Variants in PDE4B observed in about 807,000 individuals in gnomAD.
PDE4B encodes the protein 3',5'-cyclic-AMP phosphodiesterase 4B.
In PDE4B, 20 loss-of-function variants were observed where a neutral mutation model predicts 82.2. That is an observed-to-expected ratio of 0.24 (90% CI 0.17 to 0.35). PDE4B has a LOEUF of 0.35. Among genes scored for constraint, PDE4B ranks in the 10% least tolerant of loss-of-function variants. PDE4B has a pLI of 1.00. For synonymous variants in PDE4B, 320 were observed against 318.9 expected (o/e 1.00, Z -0.04); for missense variants, 655 against 907.2 (o/e 0.72, Z 3.57).
intron 3 of PDE4B, among the ~76,000 whole-genome samples, chr1:66,096,871 T>C (rs1193566382): frequency 6.6e-6 from 1 of 151,798 alleles, no homozygotes; most frequent in African/African-American, 2.4e-5. Context: ...CATCAAATAG[T>C]GTGTAGTTTT....
intron 7 of PDE4B, among the ~76,000 whole-genome samples, chr1:66,277,620 T>A (rs910678736): frequency 6.6e-5 from 10 of 152,132 alleles, no homozygotes; most frequent in Non-Finnish European, 1.2e-4. Context: ...GGTCTTCAAC[T>A]CCTAACCTCG....
At chr1:66,245,442 G>C (rs1435999990) in intron 3 of PDE4B, among the ~76,000 whole-genome samples, 1 of 152,150 alleles carries the variant, frequency 6.6e-6, no homozygotes, top group East Asian at 1.9e-4. Context: ...ATGACCTACT[G>C]TTTCTAGGGG....
intron 3 of PDE4B, among the ~76,000 whole-genome samples, chr1:66,190,761 G>T (rs1341389173): frequency 1.3e-5 from 2 of 152,088 alleles, no homozygotes; most frequent in African/African-American, 2.4e-5. Context: ...CTAGGAAAGG[G>T]AATTCCCTGA....
intron 3 of PDE4B, among the ~76,000 whole-genome samples, chr1:66,110,477 G>A (rs767863575): frequency 5.9e-5 from 9 of 152,050 alleles, no homozygotes; most frequent in Non-Finnish European, 1.2e-4. Flanking sequence ...CAGTGTTGTT[G>A]TGGAAATAAT....
intron 3 of PDE4B, among the ~76,000 whole-genome samples, chr1:66,229,125 A>G (rs1336598741): frequency 6.6e-6 from 1 of 151,964 alleles, no homozygotes; most frequent in East Asian, 1.9e-4. Flanking sequence ...CTCCTGCCTC[A>G]GGCTCCTGAG....
intron 1 of PDE4B, among the ~76,000 whole-genome samples, chr1:65,859,523 C>T (rs1051702449): frequency 6.6e-6 from 1 of 151,992 alleles, no homozygotes; most frequent in Non-Finnish European, 1.5e-5. Context: ...AAAATATTTT[C>T]ATTAATGATA....
At chr1:65,912,181 C>A (rs549900569) in intron 1 of PDE4B, among the ~76,000 whole-genome samples, 25 of 152,200 alleles carry the variant, frequency 1.6e-4, no homozygotes, top group African/African-American at 6.0e-4. Flanking sequence ...CAGTTAAATT[C>A]TGCAAACACC....
chr1:66,169,859 G>A (rs1226825250), intron 3 of PDE4B, among the ~76,000 whole-genome samples: 1 of 152,136 alleles, frequency 6.6e-6, no homozygotes, highest in Non-Finnish European at 1.5e-5. Flanking sequence ...CACGCATCAT[G>A]GGAAGCTATC....
intron 3 of PDE4B, among the ~76,000 whole-genome samples, chr1:66,197,450 C>CA (rs1012383916): frequency 7.3e-5 from 11 of 151,454 alleles, no homozygotes; most frequent in East Asian, 1.9e-4. Context: ...TTAGAGGGAG[C>CA]AAAAAAAATC....
intron 6 of PDE4B, among the ~76,000 whole-genome samples, chr1:66,262,793 A>C (rs748076648): frequency 6.6e-6 from 1 of 152,238 alleles, no homozygotes; most frequent in African/African-American, 2.4e-5. Flanking sequence ...CCACACAGAG[A>C]TGCTTATCTG....
At chr1:66,124,898 A>G (rs75045039) in intron 3 of PDE4B, among the ~76,000 whole-genome samples, 4,973 of 136,110 alleles carry the variant, frequency 0.037, 295 homozygotes, top group African/African-American at 0.13. Flanking sequence ...CCTAGCCTGA[A>G]CGAGCTGTGT....
intron 7 of PDE4B, among the ~76,000 whole-genome samples, chr1:66,268,603 G>C (rs949430505): frequency 2.0e-5 from 3 of 147,192 alleles, no homozygotes; most frequent in African/African-American, 7.7e-5. Flanking sequence ...GGGAGGCGGA[G>C]GTTGCAGTGA....
intron 3 of PDE4B, among the ~76,000 whole-genome samples, chr1:66,195,349 G>T (rs1465600059): frequency 6.6e-6 from 1 of 152,074 alleles, no homozygotes. Flanking sequence ...AGCACCCAAA[G>T]GTTTAAATAA....
chr1:66,199,991 A>C (rs1418825569), intron 3 of PDE4B, among the ~76,000 whole-genome samples: 1 of 152,140 alleles, frequency 6.6e-6, no homozygotes, highest in African/African-American at 2.4e-5. Flanking sequence ...CTAACATTTA[A>C]GTCTCTAATC....
Position 65,798,238 on chromosome 1 carries a change from C to CTTT in PDE4B, c.-71+5019_-71+5021dup, listed in dbSNP as rs781315273. ...GTTTCACCATGTTGGCCAGGCTAGT[C>CTTT]TTTTTTTTTTTTTTTTTTTTTTTTT... On this transcript the variant is annotated intron_variant, in intron 1 of 16. Coordinates refer to ENST00000341517, the MANE Select transcript of PDE4B (RefSeq NM_002600.4). Among the ~76,000 whole-genome samples the CTTT allele has an allele frequency of 6.5e-3, 147 of 22,672 alleles. 40 individuals carry two copies. The highest frequency in any genetic ancestry group is 0.011 in the African/African-American group (23 of 2,016). The allele number at this position is 22,672 out of a possible 152,430, so 14.9% of individuals were successfully genotyped here.
intron 13 of PDE4B, among the ~76,000 whole-genome samples, chr1:66,366,502 T>C (rs572075720): frequency 6.6e-6 from 1 of 152,344 alleles, no homozygotes; most frequent in Non-Finnish European, 1.5e-5. Flanking sequence ...TAGTCATGAA[T>C]AACATCAAGT....
At chr1:66,371,805 T>C (rs965297132) in intron 16 of PDE4B, among the ~76,000 whole-genome samples, 9 of 152,062 alleles carry the variant, frequency 5.9e-5, no homozygotes, top group African/African-American at 1.9e-4. Context: ...AAGGAAAAAA[T>C]ATTGAGTCAA....
At chr1:66,371,238 T>C (rs1168689850) in intron 16 of PDE4B, among the ~76,000 whole-genome samples, 1 of 151,166 alleles carries the variant, frequency 6.6e-6, no homozygotes, top group East Asian at 2.0e-4. Context: ...TAAAGGAAAG[T>C]TTCCAGTAGT....
chr1:65,797,774 C>G (rs955957026), intron 1 of PDE4B, among the ~76,000 whole-genome samples: 3 of 152,118 alleles, frequency 2.0e-5, no homozygotes, highest in African/African-American at 7.2e-5. Flanking sequence ...TAGATGCAGA[C>G]AAGGAATGAG....
Sources: allele counts gnomAD v4.1 joint callset (sites outside exome capture counted in the v4.1 genomes callset), GRCh38; gene constraint gnomAD v4.1.1; transcripts MANE v1.5; gene names NCBI Gene and HGNC (gene_info 2026-07-23, HGNC 2026-07-21).